Variants in GRID1 observed in about 807,000 individuals in gnomAD.
GRID1 encodes the protein glutamate receptor ionotropic, delta-1.
Under a neutral mutation model 98.0 loss-of-function variants are expected in GRID1, and 28 were observed. The observed-to-expected ratio is 0.29, with a 90% CI of 0.21 to 0.39. The LOEUF is 0.39. Among genes scored for constraint, GRID1 ranks in the 10% least tolerant of loss-of-function variants. The pLI is 1.00. For missense variants in GRID1, 1,111 were observed against 1,340.5 expected (o/e 0.83, Z 2.67); for synonymous variants, 553 against 538.5 (o/e 1.03, Z -0.37).
intron 12 of GRID1, among the ~76,000 whole-genome samples, chr10:85,716,572 T>C (rs1282736003): frequency 6.7e-6 from 1 of 149,464 alleles, no homozygotes; most frequent in Non-Finnish European, 1.5e-5. Context: ...AATAATAAAA[T>C]AAAATAAAAA....
intron 8 of GRID1, among the ~76,000 whole-genome samples, chr10:85,829,913 C>T (rs753139901): frequency 1.3e-5 from 2 of 152,114 alleles, no homozygotes; most frequent in Non-Finnish European, 1.5e-5. Flanking sequence ...CAATGCTATC[C>T]CTATTGAACT....
intron 5 of GRID1, among the ~76,000 whole-genome samples, chr10:85,911,485 TC>T (rs1841537550): frequency 6.6e-6 from 1 of 152,114 alleles, no homozygotes; most frequent in Non-Finnish European, 1.5e-5. Context: ...CTATACCTCC[TC>T]CCTTTTTAGA....
At chr10:86,330,518 G>A (rs1018829708) in intron 2 of GRID1, among the ~76,000 whole-genome samples, 2 of 152,196 alleles carry the variant, frequency 1.3e-5, no homozygotes, top group African/African-American at 2.4e-5. Flanking sequence ...TCACATTGAT[G>A]GTGGATGCGC....
intron 3 of GRID1, among the ~76,000 whole-genome samples, chr10:86,139,302 C>G (rs1844978390): frequency 6.6e-6 from 1 of 152,082 alleles, no homozygotes; most frequent in African/African-American, 2.4e-5. Context: ...TCATGACAAG[C>G]TCTCTTTCTT....
chr10:85,772,386 G>C (rs1842280079), intron 8 of GRID1, among the ~76,000 whole-genome samples: 1 of 151,086 alleles, frequency 6.6e-6, no homozygotes, highest in Non-Finnish European at 1.5e-5. Context: ...ATCCAAAATT[G>C]ACACCCTAAT....
intron 13 of GRID1, among the ~76,000 whole-genome samples, chr10:85,629,514 T>A (rs1283725463): frequency 1.3e-5 from 2 of 152,188 alleles, no homozygotes; most frequent in Non-Finnish European, 1.5e-5. Flanking sequence ...TTATTTCACT[T>A]AAGAGAGTGA....
intron 12 of GRID1, among the ~76,000 whole-genome samples, chr10:85,699,516 G>A (rs750519759): frequency 6.6e-6 from 1 of 152,078 alleles, no homozygotes; most frequent in Admixed American, 6.5e-5. Flanking sequence ...ACTTAACAAT[G>A]TTTTATTTTA....
At chr10:86,169,820 G>A (rs1845456063) in intron 3 of GRID1, among the ~76,000 whole-genome samples, 1 of 152,158 alleles carries the variant, frequency 6.6e-6, no homozygotes, top group Non-Finnish European at 1.5e-5. Flanking sequence ...TCCCATCCTG[G>A]GAGATTTACC....
intron 4 of GRID1, among the ~76,000 whole-genome samples, chr10:86,128,457 A>G (rs1478738831): frequency 6.6e-6 from 1 of 151,940 alleles, no homozygotes; most frequent in Non-Finnish European, 1.5e-5. Context: ...AGGCTCCATG[A>G]CTCGAACTGT....
chr10:85,669,674 G>C (rs774368874), intron 12 of GRID1, among the ~76,000 whole-genome samples: 4 of 152,124 alleles, frequency 2.6e-5, no homozygotes, highest in Non-Finnish European at 5.9e-5. Context: ...CTTAGATCAG[G>C]CTGTCTAGGG....
intron 4 of GRID1, among the ~76,000 whole-genome samples, chr10:85,957,252 A>C (rs1842206848): frequency 1.3e-5 from 2 of 152,206 alleles, no homozygotes; most frequent in Admixed American, 1.3e-4. Flanking sequence ...AAGCTATAGG[A>C]TGAAGCTGGG....
chr10:86,351,764 C>T (rs1564746340), intron 2 of GRID1, among the ~76,000 whole-genome samples: 1 of 152,214 alleles, frequency 6.6e-6, no homozygotes, highest in Non-Finnish European at 1.5e-5. Context: ...AAGCAGTGAC[C>T]ATCCCCATCC....
chr10:86,115,936 A>C (rs1197521384), intron 4 of GRID1, among the ~76,000 whole-genome samples: 1 of 152,204 alleles, frequency 6.6e-6, no homozygotes, highest in Non-Finnish European at 1.5e-5. Context: ...AGATATACAT[A>C]TACCATTAGA....
chr10:86,317,921 T>A (rs993916065), intron 2 of GRID1, among the ~76,000 whole-genome samples: 3 of 152,104 alleles, frequency 2.0e-5, no homozygotes, highest in African/African-American at 7.2e-5. Flanking sequence ...TTTAATTTTT[T>A]TTGTAAAGAC....
intron 13 of GRID1, among the ~76,000 whole-genome samples, chr10:85,630,297 C>T (rs1312079344): frequency 6.6e-6 from 1 of 152,130 alleles, no homozygotes; most frequent in African/African-American, 2.4e-5. Context: ...GCTGAATGCC[C>T]TCACCTAGAA....
At chr10:86,006,398 A>T (rs1023408757) in intron 4 of GRID1, among the ~76,000 whole-genome samples, 45 of 152,202 alleles carry the variant, frequency 3.0e-4, no homozygotes, top group Admixed American at 2.8e-3. Flanking sequence ...AGGTGAGCGG[A>T]TCATGAGGTC....
chr10:85,786,561 A>C (rs1427907191), intron 8 of GRID1, among the ~76,000 whole-genome samples: 1 of 152,164 alleles, frequency 6.6e-6, no homozygotes, highest in Non-Finnish European at 1.5e-5. Flanking sequence ...GTGGGCCCGC[A>C]AGGCATAGCT....
chr10:86,322,733 A>AAAAT (rs201373975), intron 2 of GRID1, among the ~76,000 whole-genome samples: 3,014 of 150,328 alleles, frequency 0.02, 39 homozygotes, highest in Middle Eastern at 0.059. Context: ...TTTTTAAATA[A>AAAAT]AAATAAATAA....
chr10:85,623,672 C>G (rs1056776448), intron 13 of GRID1, among the ~76,000 whole-genome samples: 1 of 152,216 alleles, frequency 6.6e-6, no homozygotes, highest in African/African-American at 2.4e-5. Context: ...CAATCCCACT[C>G]CTAGGTTCAG....
Sources: gnomAD v4.1 joint callset for allele counts (sites outside exome capture counted in the v4.1 genomes callset) on GRCh38, gnomAD v4.1.1 for gene constraint, MANE v1.5 for transcripts, NCBI Gene and HGNC (gene_info 2026-07-23, HGNC 2026-07-21) for gene names.